Variants in TRIM66 observed in about 807,000 individuals in gnomAD.
The protein encoded by TRIM66 is tripartite motif containing 66.
A neutral mutation model predicts 148.2 loss-of-function variants in TRIM66; 99 were observed. The ratio of observed to expected loss-of-function variants is 0.67; its 90% CI spans 0.57 to 0.79. The LOEUF is 0.79. Among genes scored for constraint, TRIM66 ranks in the 30% least tolerant of loss-of-function variants. The pLI is 0.00. For synonymous variants in TRIM66, 616 were observed against 635.9 expected (o/e 0.97, Z 0.47); for missense variants, 1,666 against 1,697.9 (o/e 0.98, Z 0.33).
At position 8,640,348 on chromosome 11, in the gene TRIM66, C is replaced by A. The variant is rs2036257470; in HGVS notation, c.2027G>T (p.Ser676Ile). The A allele has an allele frequency of 4.5e-6, 7 of 1,551,576 alleles. No homozygotes were observed. Among genetic ancestry groups the A allele is most frequent in the Non-Finnish European group, 5.2e-6 (6 of 1,147,028 alleles). Residue 676 changes from serine (S) to isoleucine (I), a missense_variant, in exon 14 of 25, where the codon AGC becomes ATC. Physicochemically the swap from Ser to Ile is moderately radical, Grantham distance 142 (BLOSUM62 -2). Around this residue, in one of 3 missense-constraint regions of TRIM66, gnomAD observed 1,431 missense variants for 1,412.4 expected, o/e 1.01. Transcript: ENST00000646038. ...AGATTTGGTCTGACTCAGTTGCAGG[C>A]TGGGCTGTTGAGCCTGGAGAAGAAG... ...LELLLQAQQP[S>I]LQLSQTKSPQ...
At chr11:8,655,486 T>C (rs2037743687) in intron 6 of TRIM66, among the ~76,000 whole-genome samples, 1 of 151,052 alleles carries the variant, frequency 6.6e-6, no homozygotes, top group South Asian at 2.1e-4. Flanking sequence ...CAGCCAGACG[T>C]TTTTTTTTCC....
At chr11:8,649,013 T>C (rs1030603747) in intron 8 of TRIM66, among the ~76,000 whole-genome samples, 1 of 152,198 alleles carries the variant, frequency 6.6e-6, no homozygotes, top group Non-Finnish European at 1.5e-5. Context: ...TTCAAGGGCC[T>C]TGAGAAAAGA....
intron 20 of TRIM66, among the ~76,000 whole-genome samples, chr11:8,620,794 T>G (rs1277867836): frequency 6.6e-6 from 1 of 152,090 alleles, no homozygotes; most frequent in South Asian, 2.1e-4. Context: ...TAGGCACAAA[T>G]CCACATGCAA....
At chr11:8,641,232 G>A (rs2036364630) in intron 13 of TRIM66, 80 bp from the exon 14 acceptor site, 2 of 1,275,406 alleles carry the variant, frequency 1.6e-6, no homozygotes, top group Admixed American at 4.8e-5. Context: ...TGGGACAAAA[G>A]AACCTCATTC....
chr11:8,648,455 G>A lies in TRIM66; in HGVS notation c.686C>T (p.Thr229Ile), dbSNP rs764473659. ...KLFCETCDML[T>I]CHSCLVVEHK... ...TTCCACCACTAGGCAGCTATGGCAA[G>A]TGAGCATATCACATGTCTCACAGAA... is the stretch of plus-strand genomic sequence containing the variant. The change falls in exon 9 of 25, where the codon ACT becomes ATT. Residue 229 changes from threonine to isoleucine, a missense_variant. By Grantham distance (89) the Thr-to-Ile change is moderately conservative (BLOSUM62 -1). This residue lies in a region of TRIM66 where 1,431 missense variants were observed against 1,412.4 expected (regional missense o/e 1.01). Transcript: ENST00000646038. 6.4e-7 allele frequency: 1 copy of A among 1,551,740 alleles called. No homozygotes were observed. Among genetic ancestry groups the A allele is most frequent in the African/African-American group, 1.4e-5 (1 of 73,180 alleles).
In TRIM66 at chr11:8,646,554, C is replaced by T; in HGVS notation, c.850G>A (p.Glu284Lys). The change falls in exon 11 of 25, where the codon GAA becomes AAA. Residue 284 changes from glutamate to lysine, a missense_variant. Around this residue, in one of 3 missense-constraint regions of TRIM66, gnomAD observed 1,431 missense variants for 1,412.4 expected, o/e 1.01. Coordinates refer to ENST00000646038, the MANE Select transcript of TRIM66 (RefSeq NM_001388022.1). ...ACCTTCCTATGCTGATGCTTCACTT[C>T]AAAAATCCTGTAAACACAATGGGAC... is the stretch of plus-strand genomic sequence containing the variant. ...SAKQIEDRIF[E>K]VKHQHRKVEN... is the part of the protein sequence containing the mutation. The T allele has an allele frequency of 1.3e-6, 2 of 1,551,446 alleles. No individual in the cohort carries two copies. Among genetic ancestry groups the T allele is most frequent in the Middle Eastern group, 1.7e-4 (1 of 5,990 alleles).
At chr11:8,623,416 G>T (rs1397414138) in intron 17 of TRIM66, among the ~76,000 whole-genome samples, 2 of 152,190 alleles carry the variant, frequency 1.3e-5, no homozygotes, top group African/African-American at 4.8e-5. Context: ...CAAGGTCCTA[G>T]GCACTGTACA....
At chr11:8,670,101 C>T (rs1209372300) in intron 6 of TRIM66, among the ~76,000 whole-genome samples, 1 of 151,394 alleles carries the variant, frequency 6.6e-6, no homozygotes, top group Non-Finnish European at 1.5e-5. Flanking sequence ...CAACTTCCAC[C>T]TCCTGGGTTC....
intron 12 of TRIM66, chr11:8,644,222 G>A (rs780191646): frequency 1.9e-5 from 6 of 315,552 alleles, no homozygotes; most frequent in Non-Finnish European, 2.5e-5. Context: ...CCTCCCCATC[G>A]CCAACTCCTA....
At chr11:8,624,619 C>T (rs2034632059) in intron 16 of TRIM66, 68 bp from the exon 17 acceptor site, 27 of 1,485,318 alleles carry the variant, frequency 1.8e-5, no homozygotes, top group South Asian at 2.8e-5. Context: ...GGTCTCAGAA[C>T]TGTTAAGCTA....
At chr11:8,642,610 C>G (rs115639040) in intron 13 of TRIM66, among the ~76,000 whole-genome samples, 3 of 152,036 alleles carry the variant, frequency 2.0e-5, no homozygotes, top group Admixed American at 6.5e-5. Context: ...TGCTGAGATA[C>G]CCCTGCTTGT....
chr11:8,675,668 C>T (rs2039143488), intron 3 of TRIM66, among the ~76,000 whole-genome samples: 1 of 152,180 alleles, frequency 6.6e-6, no homozygotes, highest in African/African-American at 2.4e-5. Context: ...AGGCATGAGC[C>T]ATCGCACCCG....
At chr11:8,622,079 C>A (rs1479431162) in intron 18 of TRIM66, among the ~76,000 whole-genome samples, 1 of 151,762 alleles carries the variant, frequency 6.6e-6, no homozygotes, top group Non-Finnish European at 1.5e-5. Context: ...AAATATAAAG[C>A]AGGCAGGAAA....
intron 6 of TRIM66, among the ~76,000 whole-genome samples, chr11:8,666,348 A>G (rs1470929897): frequency 7.0e-6 from 1 of 143,684 alleles, no homozygotes; most frequent in Non-Finnish European, 1.5e-5. Flanking sequence ...TCAGAAAAAA[A>G]AAAAAAAAAA....
chr11:8,637,356 C>G (rs1334347907), intron 15 of TRIM66, among the ~76,000 whole-genome samples: 1 of 150,630 alleles, frequency 6.6e-6, no homozygotes, highest in South Asian at 2.1e-4. Flanking sequence ...TATATATATG[C>G]ATTAAATGAT....
intron 6 of TRIM66, chr11:8,658,911 G>T: frequency 1.7e-6 from 1 of 575,066 alleles, no homozygotes; most frequent in Non-Finnish European, 2.2e-6. Flanking sequence ...TTGCCATAGT[G>T]ACCAATTGTC....
chr11:8,639,475 G>C (rs2036180540), intron 14 of TRIM66, among the ~76,000 whole-genome samples: 1 of 152,156 alleles, frequency 6.6e-6, no homozygotes, highest in African/African-American at 2.4e-5. Flanking sequence ...CTGTCTTTTA[G>C]CTGAGAAAAA....
At chr11:8,680,751 G>A (rs1220660834) in intron 1 of TRIM66, 1 of 152,302 alleles carries the variant, frequency 6.6e-6, no homozygotes, top group Non-Finnish European at 1.5e-5. Flanking sequence ...AGCCACCCAA[G>A]AAGACCATGT....
chr11:8,657,043 G>A (rs536210971), intron 6 of TRIM66, among the ~76,000 whole-genome samples: 1 of 152,332 alleles, frequency 6.6e-6, no homozygotes, highest in South Asian at 2.1e-4. Flanking sequence ...AACATGTGCT[G>A]AGCCTAAGAC....
Sources: allele counts gnomAD v4.1 joint callset (sites outside exome capture counted in the v4.1 genomes callset), GRCh38; gene constraint gnomAD v4.1.1; regional missense constraint gnomAD v4.1.1; transcripts MANE v1.5; gene names NCBI Gene and HGNC (gene_info 2026-07-23, HGNC 2026-07-21).